Variants in ESD observed in about 807,000 individuals in gnomAD.
ESD encodes the protein S-formylglutathione hydrolase.
Under a neutral mutation model 38.1 loss-of-function variants are expected in ESD, and 34 were observed. The observed-to-expected ratio is 0.89, with a 90% confidence interval of 0.68 to 1.19. ESD has a LOEUF of 1.19. Ranked by LOEUF, ESD falls within the 50% of genes most tolerant of loss-of-function variation. The pLI is 0.00. For synonymous variants in ESD, 97 were observed against 107.0 expected, an observed-to-expected ratio of 0.91 and a Z score of 0.58; for missense variants, 334 against 327.2, an observed-to-expected ratio of 1.02 and a Z score of -0.16.
intron 3 of ESD, among the ~76,000 whole-genome samples, chr13:46,788,299 T>C (rs1417071242): frequency 6.6e-6 from 1 of 152,118 alleles, no homozygotes; most frequent in Non-Finnish European, 1.5e-5. Flanking sequence ...TGATTTTCTT[T>C]TTCCACATTA....
At chr13:46,790,585 T>C (rs1251605196) in intron 3 of ESD, 1 of 152,206 alleles carries the variant, frequency 6.6e-6, no homozygotes, top group African/African-American at 2.4e-5. Flanking sequence ...TTACTTTCTC[T>C]AGAGAACTTA....
intron 8 of ESD, among the ~76,000 whole-genome samples, chr13:46,777,895 C>T (rs1024871335): frequency 6.6e-5 from 10 of 151,790 alleles, no homozygotes; most frequent in Non-Finnish European, 2.9e-5. Context: ...AAGAAAATGG[C>T]CTTTTTCCTT....
chr13:46,785,489 A>G (rs1875162641), intron 4 of ESD, among the ~76,000 whole-genome samples: 1 of 151,990 alleles, frequency 6.6e-6, no homozygotes, highest in Non-Finnish European at 1.5e-5. Context: ...ATCTTTTAAG[A>G]TTTCAGTTTG....
At position 46,773,643 on chromosome 13, in the gene ESD, T is replaced by C. The variant is rs12428929; in HGVS notation, c.769-2147A>G. ...TCTCAATCTCTCCCTTCCAGAGAGG[T>C]ATTAAATGTTTATCTTGGGAACAGC... is the stretch of plus-strand genomic sequence containing the variant. On this transcript the variant is annotated intron_variant, in intron 9 of 9. Coordinates refer to ENST00000378720, the MANE Select transcript of ESD (RefSeq NM_001984.2). Among the ~76,000 whole-genome samples, 334 of 152,260 alleles carry C rather than the reference T, an allele frequency of 2.2e-3. 3 individuals carry two copies. Among genetic ancestry groups the C allele is most frequent in the South Asian group, 0.019 (91 of 4,816 alleles).
intron 3 of ESD, among the ~76,000 whole-genome samples, chr13:46,788,540 G>A (rs1035216056): frequency 3.3e-5 from 5 of 151,870 alleles, no homozygotes; most frequent in African/African-American, 1.2e-4. Flanking sequence ...TTAAACATTT[G>A]TTAAGAGGGT....
upstream of ESD, chr13:46,797,270 A>G (rs545865398): frequency 4.6e-4 from 70 of 152,384 alleles, no homozygotes; most frequent in Non-Finnish European, 9.2e-4. Flanking sequence ...TTCAGTCTCC[A>G]TGGCCCCGCC....
At chr13:46,785,811 G>A (rs1875174528) in intron 4 of ESD, 1 of 151,862 alleles carries the variant, frequency 6.6e-6, no homozygotes, top group Admixed American at 6.6e-5. Context: ...TTAAAACTTA[G>A]GGCCCTATTA....
chr13:46,782,107 A>T (rs997220345), intron 6 of ESD, among the ~76,000 whole-genome samples: 1 of 151,832 alleles, frequency 6.6e-6, no homozygotes, highest in African/African-American at 2.4e-5. Flanking sequence ...TAACTTAAAA[A>T]GAAGAAGAAA....
chr13:46,775,217 AAAAAG>A (rs1227061392), intron 9 of ESD, among the ~76,000 whole-genome samples: 4 of 151,964 alleles, frequency 2.6e-5, no homozygotes, highest in Admixed American at 1.3e-4. Context: ...GCCAAAATAG[AAAAAG>A]AAAAAATTAT....
At chr13:46,787,214 C>A in intron 3 of ESD, 105 bp from the exon 4 acceptor site, 1 of 541,360 alleles carries the variant, frequency 1.8e-6, no homozygotes, top group South Asian at 4.1e-5. Context: ...TACTAAAGGT[C>A]CAAAATAAGT....
At chr13:46,794,290 T>C (rs1226457841) in intron 1 of ESD, among the ~76,000 whole-genome samples, 3 of 152,166 alleles carry the variant, frequency 2.0e-5, no homozygotes, top group Non-Finnish European at 4.4e-5. Context: ...TCTCAGTGCA[T>C]AATACATCCA....
At position 46,771,374 on chromosome 13, in the gene ESD, A is replaced by G. The variant is rs986326127; in HGVS notation, c.*42T>C. The G allele has an allele frequency of 7.3e-7, 1 of 1,360,772 alleles. No homozygotes were observed. The highest frequency in any genetic ancestry group is 1.5e-5 in the African/African-American group (1 of 66,956). The allele number at this position is 1,360,772 out of a possible 1,614,324, so 84.3% of individuals were successfully genotyped here. A position where few individuals can be genotyped will look rare whatever the true frequency, so the allele number is the denominator to read the frequency against. ...GCTCAGCAATACAGTTGCATTTTAC[A>G]ACTTTTATAATCCTGAAGAGATTCT... is the stretch of plus-strand genomic sequence containing the variant. On this transcript the variant is annotated 3_prime_UTR_variant, in exon 10 of 10. Coordinates refer to ENST00000378720, the MANE Select transcript of ESD (RefSeq NM_001984.2).
intron 1 of ESD, among the ~76,000 whole-genome samples, chr13:46,794,161 AAAC>A (rs201107262): frequency 0.11 from 16,739 of 151,286 alleles, 1,245 homozygotes; most frequent in East Asian, 0.4. Context: ...CCCCTCCAAA[AAAC>A]AACAACAACA....
At chr13:46,779,734 T>C (rs1163910870) in intron 8 of ESD, among the ~76,000 whole-genome samples, 2 of 145,928 alleles carry the variant, frequency 1.4e-5, no homozygotes, top group Admixed American at 6.9e-5. Context: ...AAATAATATA[T>C]ATAATAATAT....
intron 1 of ESD, among the ~76,000 whole-genome samples, chr13:46,794,272 A>G (rs1388322538): frequency 6.6e-6 from 1 of 152,198 alleles, no homozygotes; most frequent in Non-Finnish European, 1.5e-5. Flanking sequence ...TTTGGAGAAG[A>G]AAGGGTCTCT....
chr13:46,777,528 T>C lies in ESD; in HGVS notation c.696A>G (p.Gly232=), dbSNP rs140178640. The change falls in exon 9 of 10, where the codon GGA becomes GGG. Residue 232 remains glycine, a synonymous_variant. Coordinates refer to ENST00000378720, the MANE Select transcript of ESD (RefSeq NM_001984.2). ...CTATGAAGTTATCAGGGAGTAACTG[T>C]CCATCTAAAAGAAACTGGTCATCTT... ...QGKDDQFLLD[G]QLLPDNFIAA... is the part of the protein sequence containing the mutation. 18 of 1,611,596 alleles carry C rather than the reference T, an allele frequency of 1.1e-5. No individual in the cohort carries two copies. Among genetic ancestry groups the C allele is most frequent in the Non-Finnish European group, 1.4e-5 (17 of 1,178,336 alleles).
intron 1 of ESD, among the ~76,000 whole-genome samples, chr13:46,796,675 G>A (rs936934305): frequency 2.0e-5 from 3 of 152,252 alleles, no homozygotes; most frequent in Non-Finnish European, 4.4e-5. Context: ...TAGAGCAGCA[G>A]GTCCACACTC....
intron 1 of ESD, among the ~76,000 whole-genome samples, chr13:46,793,784 T>C: frequency 6.6e-6 from 1 of 152,174 alleles, no homozygotes. Flanking sequence ...TGTAGTCAAC[T>C]CCTGAGTGAA....
intron 8 of ESD, 86 bp downstream of exon 8, chr13:46,779,849 G>C (rs1251947001): frequency 1.1e-6 from 1 of 883,370 alleles, no homozygotes; most frequent in African/African-American, 1.8e-5. Flanking sequence ...CCTAACATGA[G>C]CAGGGTAGGA....
Sources: gnomAD v4.1 joint callset for allele counts (sites outside exome capture counted in the v4.1 genomes callset) on GRCh38, gnomAD v4.1.1 for gene constraint, MANE v1.5 for transcripts, NCBI Gene and HGNC (gene_info 2026-07-23, HGNC 2026-07-21) for gene names.